TRIM2: variants seen among roughly 807,000 people sequenced by gnomAD.
TRIM2 encodes the protein tripartite motif containing 2, also known as tripartite motif-containing protein 2.
A neutral mutation model predicts 75.2 loss-of-function variants in TRIM2; 20 were observed. The ratio of observed to expected loss-of-function variants is 0.27; its 90% confidence interval spans 0.19 to 0.39. TRIM2 has a LOEUF of 0.39. TRIM2 is among the 10% of genes least tolerant of loss of function. TRIM2 has a pLI of 1.00. For synonymous variants in TRIM2, 373 were observed against 388.3 expected (o/e 0.96, Z 0.46); for missense variants, 660 against 990.8 (o/e 0.67, Z 4.48).
In TRIM2 at chr4:153,301,761, T is replaced by G. The variant is rs142467610; in HGVS notation, c.1510+5725T>G. On this transcript the variant is annotated intron_variant, in intron 6 of 11. Coordinates refer to ENST00000338700, the MANE Select transcript of TRIM2 (RefSeq NM_015271.5). Reference sequence around the variant, plus strand: ...TTGAAGAGACTGATCTTTCCTCATTTTGTGCTGTTGGCATCTTTGTTGAAA... The same window carrying G: ...TTGAAGAGACTGATCTTTCCTCATTGTGTGCTGTTGGCATCTTTGTTGAAA... 6.8e-3 allele frequency among the ~76,000 whole-genome samples: 1,031 copies of G among 152,344 alleles called. 13 individuals are homozygous for G. Among genetic ancestry groups the G allele is most frequent in the African/African-American group, 0.023 (972 of 41,584 alleles).
chr4:153,155,518 A>G (rs1729150394), intron 1 of TRIM2, among the ~76,000 whole-genome samples: 1 of 152,198 alleles, frequency 6.6e-6, no homozygotes, highest in South Asian at 2.1e-4. Flanking sequence ...TGGAGTGGCG[A>G]CTTCGTTACT....
At chr4:153,213,503 G>A (rs1737640249) in intron 1 of TRIM2, among the ~76,000 whole-genome samples, 1 of 151,962 alleles carries the variant, frequency 6.6e-6, no homozygotes, top group African/African-American at 2.4e-5. Flanking sequence ...TTTAATCTTT[G>A]TAGCAATCCC....
chr4:153,203,559 G>A (rs577664394), upstream of TRIM2, among the ~76,000 whole-genome samples: 2 of 148,914 alleles, frequency 1.3e-5, no homozygotes, highest in Admixed American at 1.4e-4. Flanking sequence ...CTGCACTCCA[G>A]CCTGGTCAAC....
intron 6 of TRIM2, among the ~76,000 whole-genome samples, chr4:153,301,146 G>C (rs183886208): frequency 1.3e-5 from 2 of 151,106 alleles, no homozygotes; most frequent in Non-Finnish European, 2.9e-5. Context: ...AGCCAAGATC[G>C]CGCCACTACA....
intron 9 of TRIM2, 123 bp downstream of exon 9, chr4:153,322,939 T>A (rs1769330804): frequency 7.5e-7 from 1 of 1,332,122 alleles, no homozygotes. Flanking sequence ...GGAAAGATGC[T>A]GGGGATAAAA....
chr4:153,311,894 T>TTTTATTTATTTATTTATTTA (rs112254741), intron 6 of TRIM2, among the ~76,000 whole-genome samples: 45 of 144,332 alleles, frequency 3.1e-4, no homozygotes, highest in Admixed American at 4.8e-4. Flanking sequence ...GTTTTTATTC[T>TTTTATTTATTTATTTATTTA]TTTATTTATT....
chr4:153,256,253 A>G (rs1752043061), intron 1 of TRIM2, among the ~76,000 whole-genome samples: 3 of 152,306 alleles, frequency 2.0e-5, no homozygotes, highest in South Asian at 4.1e-4. Context: ...GGGTCTGTCA[A>G]TTTTGCTGTA....
intron 2 of TRIM2, among the ~76,000 whole-genome samples, chr4:153,271,560 G>A (rs1756668275): frequency 6.6e-6 from 1 of 151,976 alleles, no homozygotes; most frequent in East Asian, 1.9e-4. Context: ...GTTTGTTTTG[G>A]GTTGTTGTGG....
At chr4:153,285,978 G>GT (rs1760540240) in intron 3 of TRIM2, among the ~76,000 whole-genome samples, 1 of 152,176 alleles carries the variant, frequency 6.6e-6, no homozygotes, top group Non-Finnish European at 1.5e-5. Flanking sequence ...TTAGCTGTGG[G>GT]TTTTTTGTAG....
At chr4:153,304,843 A>G (rs1453377549) in intron 6 of TRIM2, among the ~76,000 whole-genome samples, 1 of 152,228 alleles carries the variant, frequency 6.6e-6, no homozygotes, top group African/African-American at 2.4e-5. Context: ...GTTATTATAC[A>G]GGTGGTGAGA....
At chr4:153,326,979 CA>C (rs10718802) in intron 10 of TRIM2, among the ~76,000 whole-genome samples, 46,306 of 98,922 alleles carry the variant, frequency 0.47, 8,157 homozygotes, top group African/African-American at 0.53. Flanking sequence ...GACTCCATCT[CA>C]AAAAAAAAAA....
chr4:153,250,816 C>T (rs1209031504), intron 1 of TRIM2, among the ~76,000 whole-genome samples: 2 of 152,136 alleles, frequency 1.3e-5, no homozygotes, highest in African/African-American at 4.8e-5. Context: ...AAATACAGCC[C>T]GGCTGCAAAG....
At chr4:153,300,238 C>T (rs1560976206) in intron 6 of TRIM2, among the ~76,000 whole-genome samples, 1 of 152,156 alleles carries the variant, frequency 6.6e-6, no homozygotes, top group Non-Finnish European at 1.5e-5. Context: ...CACATCTCTG[C>T]CAACACTTGA....
chr4:153,247,667 G>A (rs1043235932), intron 1 of TRIM2, among the ~76,000 whole-genome samples: 1 of 105,310 alleles, frequency 9.5e-6, no homozygotes, highest in South Asian at 3.8e-4. Flanking sequence ...AACAGAGTGA[G>A]ACTCTGTCTC....
At chr4:153,211,820 G>A (rs75736038) in intron 1 of TRIM2, among the ~76,000 whole-genome samples, 16 of 151,980 alleles carry the variant, frequency 1.1e-4, no homozygotes, top group African/African-American at 3.9e-4. Flanking sequence ...TTGAATCTCT[G>A]CTTGGATTTG....
intron 1 of TRIM2, among the ~76,000 whole-genome samples, chr4:153,229,720 T>C (rs1343701744): frequency 6.6e-6 from 1 of 152,234 alleles, no homozygotes; most frequent in Non-Finnish European, 1.5e-5. Context: ...GGTATGAAAT[T>C]CTGAATCCCA....
intron 1 of TRIM2, among the ~76,000 whole-genome samples, chr4:153,244,271 C>A (rs10003881): frequency 1.0e-4 from 1 of 9,898 alleles, no homozygotes; most frequent in African/African-American, 3.2e-4. Flanking sequence ...CCTCCTCCTC[C>A]TCCTCCTCCT....
At chr4:153,289,917 A>T (rs1761487049) in intron 3 of TRIM2, among the ~76,000 whole-genome samples, 1 of 152,240 alleles carries the variant, frequency 6.6e-6, no homozygotes, top group Admixed American at 6.5e-5. Context: ...CTGAGGGAAG[A>T]AGTCTTTTCA....
intron 1 of TRIM2, among the ~76,000 whole-genome samples, chr4:153,242,942 G>A (rs955449371): frequency 2.6e-5 from 4 of 152,248 alleles, no homozygotes; most frequent in Admixed American, 2.0e-4. Flanking sequence ...AGAGATGGGC[G>A]GGGGTGGAGG....
Sources: gnomAD v4.1 joint callset for allele counts (sites outside exome capture counted in the v4.1 genomes callset) on GRCh38, gnomAD v4.1.1 for gene constraint, MANE v1.5 for transcripts, NCBI Gene and HGNC (gene_info 2026-07-23, HGNC 2026-07-21) for gene names.